The following ZNRF1 variants were observed in gnomAD, a reference collection of about 807,000 sequenced individuals.
The protein encoded by ZNRF1 is E3 ubiquitin-protein ligase ZNRF1.
A neutral mutation model predicts 18.4 loss-of-function variants in ZNRF1; 3 were observed. The ratio of observed to expected loss-of-function variants is 0.16; its 90% CI spans 0.07 to 0.42. ZNRF1 has a LOEUF of 0.42. Among genes scored for constraint, ZNRF1 ranks in the 10% least tolerant of loss-of-function variants. The probability of loss-of-function intolerance (pLI) is 0.99; values close to 1 mark genes in which losing one functional copy is unlikely to be tolerated. For missense variants in ZNRF1, 310 were observed against 329.8 expected, an observed-to-expected ratio of 0.94 and a Z score of 0.47; for synonymous variants, 157 against 144.2, an observed-to-expected ratio of 1.09 and a Z score of -0.64.
At chr16:75,098,335 T>A (rs1473426548) in intron 2 of ZNRF1, among the ~76,000 whole-genome samples, 1 of 152,142 alleles carries the variant, frequency 6.6e-6, no homozygotes, top group Non-Finnish European at 1.5e-5. Context: ...GTGGCCTCAG[T>A]AGGAAAGTAT....
intron 1 of ZNRF1, among the ~76,000 whole-genome samples, chr16:75,005,590 C>T (rs899745013): frequency 1.6e-4 from 25 of 152,170 alleles, no homozygotes; most frequent in African/African-American, 5.1e-4. Context: ...AAAGGGGATT[C>T]GTTCCAATAC....
At chr16:75,093,261 T>G (rs2036161116) in intron 1 of ZNRF1, among the ~76,000 whole-genome samples, 1 of 152,056 alleles carries the variant, frequency 6.6e-6, no homozygotes, top group South Asian at 2.1e-4. Context: ...GGCAGACACC[T>G]GTAATCCCAG....
chr16:75,049,845 T>TTGTGTGTGTGTGTGTG (rs56377786), intron 1 of ZNRF1, among the ~76,000 whole-genome samples: 10,060 of 149,256 alleles, frequency 0.067, 374 homozygotes, highest in Admixed American at 0.12. Context: ...ATGCACCCAT[T>TTGTGTGTGTGTGTGTG]TGTGTGTGTG....
chr16:75,106,624 T>TC lies in ZNRF1; in HGVS notation c.*32+53_*32+54insC, dbSNP rs2036319513. The TC allele has an allele frequency of 2.0e-6, 3 of 1,509,994 alleles. No individual in the cohort carries two copies. The African/African-American group carries it at 4.1e-5, about 21-fold the overall frequency. 93.5% of individuals were successfully genotyped at this position (1,509,994 alleles called of 1,614,324 possible). On this transcript the variant is annotated intron_variant, in intron 4 of 4. Coordinates refer to ENST00000335325, the MANE Select transcript of ZNRF1 (RefSeq NM_032268.5). The stretch of plus-strand genomic sequence containing the variant: ...GCTCAAGGCTTGGGGTCAGGTCACT[T>TC]TGGGGGCCTGCAGTTTAGGGAGCCG...
chr16:75,100,476 A>G (rs2036243409), intron 2 of ZNRF1, among the ~76,000 whole-genome samples: 2 of 152,038 alleles, frequency 1.3e-5, no homozygotes, highest in South Asian at 4.1e-4. Flanking sequence ...CCTTATCCTC[A>G]TACCTGCCTC....
At chr16:75,039,379 A>G (rs2035413477) in intron 1 of ZNRF1, among the ~76,000 whole-genome samples, 1 of 152,178 alleles carries the variant, frequency 6.6e-6, no homozygotes, top group South Asian at 2.1e-4. Context: ...GCAGAACCCT[A>G]AAGACTTTAG....
At chr16:75,100,369 T>A (rs2145427616) in intron 2 of ZNRF1, among the ~76,000 whole-genome samples, 1 of 152,290 alleles carries the variant, frequency 6.6e-6, no homozygotes, top group East Asian at 1.9e-4. Flanking sequence ...ACAAGAAGAA[T>A]CGCCCTCGCG....
chr16:75,019,056 C>T (rs1030251913), intron 1 of ZNRF1, among the ~76,000 whole-genome samples: 1 of 152,112 alleles, frequency 6.6e-6, no homozygotes, highest in Non-Finnish European at 1.5e-5. Flanking sequence ...ATCCCAGCTA[C>T]TCAGGAGGTT....
At chr16:75,026,431 G>T (rs1173519836) in intron 1 of ZNRF1, among the ~76,000 whole-genome samples, 1 of 152,022 alleles carries the variant, frequency 6.6e-6, no homozygotes, top group Admixed American at 6.6e-5. Flanking sequence ...TTTGGATGAC[G>T]TGTCATTTCC....
intron 1 of ZNRF1, among the ~76,000 whole-genome samples, chr16:75,078,385 G>A (rs142243773): frequency 9.0e-5 from 12 of 132,818 alleles, no homozygotes; most frequent in Non-Finnish European, 1.5e-4. Context: ...TGCAACCTCC[G>A]CCCCCCAGGT....
At chr16:75,040,598 GTTTTTTTTTTTT>G (rs61513153) in intron 1 of ZNRF1, among the ~76,000 whole-genome samples, 4 of 46,356 alleles carry the variant, frequency 8.6e-5, no homozygotes, top group Admixed American at 3.8e-4. Context: ...TTTTTTGTGG[GTTTTTTTTTTTT>G]TTTTTTTTTT....
intron 1 of ZNRF1, among the ~76,000 whole-genome samples, chr16:75,010,705 T>G (rs892960541): frequency 2.5e-5 from 1 of 40,228 alleles, no homozygotes; most frequent in African/African-American, 4.0e-5. Flanking sequence ...TGTACTGTTT[T>G]TTTTTGTTTT....
chr16:75,101,660 A>G (rs1335394372), intron 2 of ZNRF1, among the ~76,000 whole-genome samples: 1 of 152,202 alleles, frequency 6.6e-6, no homozygotes. Context: ...GATGCATTTC[A>G]TAGTAAAATG....
In ZNRF1 at chr16:74,999,884, C is replaced by T. The variant is rs200549368; in HGVS notation, c.213C>T (p.Leu71=). ...CGGCCGGGGGGGTGCCCTTTGGCCT[C>T]TACACCCCCGCCTCCCGGGGCACCG... ...PSTAGGVPFG[L]YTPASRGTGD... Residue 71 remains leucine, a synonymous_variant, in exon 1 of 5, where the codon CTC becomes CTT. Coordinates refer to ENST00000335325, the MANE Select transcript of ZNRF1 (RefSeq NM_032268.5). 1.3e-6 allele frequency: 2 copies of T among 1,538,342 alleles called. No individual in the cohort carries two copies. Among genetic ancestry groups the T allele is most frequent in the African/African-American group, 2.7e-5 (2 of 73,194 alleles).
chr16:75,003,481 G>C (rs117194423), intron 1 of ZNRF1, among the ~76,000 whole-genome samples: 1 of 152,236 alleles, frequency 6.6e-6, no homozygotes, highest in Non-Finnish European at 1.5e-5. Flanking sequence ...TATGGAGTAA[G>C]ACTGTTCTCT....
chr16:75,089,309 G>A (rs2036109548), intron 1 of ZNRF1, among the ~76,000 whole-genome samples: 1 of 151,970 alleles, frequency 6.6e-6, no homozygotes, highest in South Asian at 2.1e-4. Context: ...GGGTCTCCCT[G>A]TGTTGTCCAG....
At chr16:75,030,669 C>G (rs1300434340) in intron 1 of ZNRF1, among the ~76,000 whole-genome samples, 1 of 152,014 alleles carries the variant, frequency 6.6e-6, no homozygotes, top group Non-Finnish European at 1.5e-5. Context: ...TTTCCCCTAC[C>G]CAAGACAACC....
At chr16:75,092,476 G>A (rs1457072371) in intron 1 of ZNRF1, among the ~76,000 whole-genome samples, 4 of 152,196 alleles carry the variant, frequency 2.6e-5, no homozygotes, top group Non-Finnish European at 5.9e-5. Context: ...AGAGAAATAA[G>A]ATTTCAGTGG....
intron 1 of ZNRF1, among the ~76,000 whole-genome samples, chr16:75,065,163 A>T (rs2035787112): frequency 6.6e-6 from 1 of 152,262 alleles, no homozygotes; most frequent in Non-Finnish European, 1.5e-5. Context: ...GATAGCAGGC[A>T]GCCAGAGCTG....
Sources: allele counts gnomAD v4.1 joint callset (sites outside exome capture counted in the v4.1 genomes callset), GRCh38; gene constraint gnomAD v4.1.1; transcripts MANE v1.5; gene names NCBI Gene and HGNC (gene_info 2026-07-23, HGNC 2026-07-21).